The following C6 variants were observed in gnomAD, a reference collection of about 807,000 sequenced individuals.
C6 encodes the protein complement C6.
Under a neutral mutation model 112.9 loss-of-function variants are expected in C6, and 101 were observed. The ratio of observed to expected loss-of-function variants is 0.89; its 90% confidence interval spans 0.76 to 1.06. C6 has a LOEUF of 1.06. Among genes scored for constraint, C6 ranks in the 50% least tolerant of loss-of-function variants. The pLI, the probability that C6 is intolerant of heterozygous loss-of-function variation, is 0.00. For synonymous variants in C6, 431 were observed against 384.1 expected, an observed-to-expected ratio of 1.12 and a Z score of -1.43; for missense variants, 1,202 against 1,104.6, an observed-to-expected ratio of 1.09 and a Z score of -1.25.
chr5:41,155,683 T>C (rs1375861211), intron 13 of C6, among the ~76,000 whole-genome samples: 1 of 151,986 alleles, frequency 6.6e-6, no homozygotes, highest in Non-Finnish European at 1.5e-5. Flanking sequence ...GAGCCATGAT[T>C]GTTCCATTGT....
chr5:41,204,077 G>T (rs1183090948), intron 1 of C6, among the ~76,000 whole-genome samples: 2 of 152,140 alleles, frequency 1.3e-5, no homozygotes, highest in Non-Finnish European at 2.9e-5. Flanking sequence ...CCCCGTTATT[G>T]CCAGTTTAAT....
rs774311532 is a variant in C6, at chr5:41,199,744, G to C, written c.445+24C>G. ...AGTCAAGCTATTTTTAGTGGGGACT[G>C]AACATTTCACAAAAATACATTACCA... On this transcript the variant is annotated intron_variant, in intron 4 of 17. Transcript: ENST00000337836. The C allele has an allele frequency of 1.9e-6, 3 of 1,611,442 alleles. No homozygotes were observed. In the South Asian group the frequency reaches 3.3e-5, roughly 18 times the overall value.
rs1449277428 is a variant in C6 at position 41,176,560 on chromosome 5, A to G, written c.1083T>C (p.Phe361=). 6.2e-7 allele frequency: 1 copy of G among 1,613,954 alleles called. No homozygotes were observed. Among genetic ancestry groups the G allele is most frequent in the African/African-American group, 1.3e-5 (1 of 75,044 alleles). The change falls in exon 8 of 18, where the codon TTT becomes TTC. Residue 361 remains phenylalanine (F), a synonymous_variant. Transcript: ENST00000337836. ...SALYSRIFDD[F]GTHYFTSGSL... ...AGCCAGAGGTGAAGTAATGAGTCCC[A>G]AAGTCATCGAATATTCGGCTGTACA...
Position 41,161,878 on chromosome 5 carries a change from A to G in C6, c.1292-19T>C, listed in dbSNP as rs573251694. The G allele has an allele frequency of 5.8e-5, 93 of 1,612,518 alleles. No homozygotes were observed. Among genetic ancestry groups the G allele is most frequent in the Admixed American group, 1.0e-4 (6 of 59,956 alleles). On this transcript the variant is annotated intron_variant, in intron 9 of 17. Transcript: ENST00000337836. ...AATGAACCTGCAAGGTGTTTCAATA[A>G]AAATGCCCATTTAATTTTAGTGCAA...
intron 8 of C6, 23 bp from the exon 9 acceptor site, chr5:41,172,370 A>G: frequency 6.2e-7 from 1 of 1,612,498 alleles, no homozygotes; most frequent in East Asian, 2.2e-5. Context: ...GTACAAACAG[A>G]AACCACTGAG....
chr5:41,206,261 T>C (rs562506520), intron 1 of C6, among the ~76,000 whole-genome samples: 3 of 152,142 alleles, frequency 2.0e-5, no homozygotes, highest in Admixed American at 2.0e-4. Context: ...ACCACAAAGA[T>C]GGGGAGAAAC....
chr5:41,231,380 T>A (rs181504409), intron 1 of C6, among the ~76,000 whole-genome samples: 4 of 152,286 alleles, frequency 2.6e-5, no homozygotes, highest in Admixed American at 1.3e-4. Flanking sequence ...ATGGTTACCA[T>A]GAAGCTCACA....
chr5:41,193,839 G>A (rs1408254574), intron 5 of C6, among the ~76,000 whole-genome samples: 1 of 147,568 alleles, frequency 6.8e-6, no homozygotes, highest in Non-Finnish European at 1.5e-5. Context: ...TTGGATAGCA[G>A]GATTGGAGAG....
At chr5:41,151,403 A>G (rs1196334697) in intron 15 of C6, among the ~76,000 whole-genome samples, 2 of 152,210 alleles carry the variant, frequency 1.3e-5, no homozygotes, top group East Asian at 1.9e-4. Flanking sequence ...AAGAATATAC[A>G]TTAGTGCCTT....
chr5:41,256,161 G>A (rs374087645), intron 1 of C6, among the ~76,000 whole-genome samples: 2 of 151,916 alleles, frequency 1.3e-5, no homozygotes, highest in African/African-American at 4.8e-5. Flanking sequence ...GTGTATATGT[G>A]CCACATTTTC....
rs764010525 is a variant in C6, at chr5:41,149,314, T to C, written c.2550A>G (p.Thr850=). Residue 850 remains threonine, a synonymous_variant, in exon 17 of 18, where the codon ACA becomes ACG. Transcript: ENST00000337836. ...GRQLEWGLER[T]RLSSNSTKKE... The stretch of plus-strand genomic sequence containing the variant: ...TCTTTGTGCTGTTGGATGAAAGTCT[T>C]GTCCTTTCAAGACCCCATTCTAACT... The C allele has an allele frequency of 2.3e-5, 37 of 1,613,956 alleles. No individual in the cohort carries two copies. The highest frequency in any genetic ancestry group is 2.8e-5 in the Non-Finnish European group (33 of 1,179,956).
chr5:41,192,216 A>G (rs760561260), intron 5 of C6, among the ~76,000 whole-genome samples: 7 of 152,198 alleles, frequency 4.6e-5, no homozygotes, highest in African/African-American at 7.2e-5. Context: ...ATTTTGAACC[A>G]TCCTTGCATC....
chr5:41,201,745 T>G (rs1041887585), intron 2 of C6, 31 bp from the exon 3 acceptor site: 2 of 1,584,642 alleles, frequency 1.3e-6, no homozygotes, highest in Non-Finnish European at 1.7e-6. Context: ...TTGCTTAGAA[T>G]GAGTGTATTC....
At chr5:41,247,771 C>G (rs1280868173) in intron 1 of C6, among the ~76,000 whole-genome samples, 1 of 148,818 alleles carries the variant, frequency 6.7e-6, no homozygotes, top group Admixed American at 6.7e-5. Flanking sequence ...AAGATCTCTA[C>G]AAGGAAAACT....
At chr5:41,248,127 T>C (rs1266440907) in intron 1 of C6, among the ~76,000 whole-genome samples, 1 of 152,154 alleles carries the variant, frequency 6.6e-6, no homozygotes, top group Non-Finnish European at 1.5e-5. Context: ...ACATGCAGAA[T>C]AATGAAGCTG....
intron 7 of C6, among the ~76,000 whole-genome samples, chr5:41,178,345 A>G (rs1749024991): frequency 6.6e-6 from 1 of 152,192 alleles, no homozygotes; most frequent in African/African-American, 2.4e-5. Context: ...ATGACGAAAC[A>G]ACTAAAGCTT....
chr5:41,177,711 C>G (rs1263237447), intron 7 of C6, among the ~76,000 whole-genome samples: 1 of 152,142 alleles, frequency 6.6e-6, no homozygotes, highest in East Asian at 1.9e-4. Flanking sequence ...ATTAATCTCC[C>G]TTCTGTCTTT....
chr5:41,204,670 C>CTTT (rs1196116815), intron 1 of C6, among the ~76,000 whole-genome samples: 48 of 98,576 alleles, frequency 4.9e-4, no homozygotes, highest in African/African-American at 1.3e-3. Context: ...TTTTTTTTTT[C>CTTT]TTTTTTTTTT....
At chr5:41,151,803 C>T (rs1465153878) in intron 15 of C6, among the ~76,000 whole-genome samples, 1 of 150,348 alleles carries the variant, frequency 6.7e-6, no homozygotes, top group Non-Finnish European at 1.5e-5. Flanking sequence ...AAGGAAAGAA[C>T]ATATGTGCAG....
Sources: gnomAD v4.1 joint callset for allele counts (sites outside exome capture counted in the v4.1 genomes callset) on GRCh38, gnomAD v4.1.1 for gene constraint, MANE v1.5 for transcripts, NCBI Gene and HGNC (gene_info 2026-07-23, HGNC 2026-07-21) for gene names.